The following FAM174B variants were observed in gnomAD, a reference collection of about 807,000 sequenced individuals.
The protein encoded by FAM174B is membrane protein FAM174B.
FAM174B carries 12 observed loss-of-function variants against 10.9 expected under a neutral mutation model. The ratio of observed to expected loss-of-function variants is 1.10; its 90% CI spans 0.71 to 1.79. The LOEUF is 1.79. Ranked by LOEUF, FAM174B falls within the 40% of genes most tolerant of loss-of-function variation. The probability of loss-of-function intolerance (pLI) is 0.00; values close to 1 mark genes in which losing one functional copy is unlikely to be tolerated. For synonymous variants in FAM174B, 132 were observed against 115.8 expected (o/e 1.14, Z -0.90); for missense variants, 266 against 233.3 (o/e 1.14, Z -0.91).
chr15:92,638,425 A>G (rs571537227), intron 1 of FAM174B, among the ~76,000 whole-genome samples: 14 of 152,214 alleles, frequency 9.2e-5, no homozygotes, highest in Non-Finnish European at 1.6e-4. Flanking sequence ...TTATACAAAC[A>G]AGGAGGCCGA....
chr15:92,638,399 T>C (rs2050869267), intron 1 of FAM174B, among the ~76,000 whole-genome samples: 2 of 152,162 alleles, frequency 1.3e-5, no homozygotes, highest in African/African-American at 4.8e-5. Flanking sequence ...TTCGTGTGAG[T>C]GCTCATACGT....
intron 2 of FAM174B, among the ~76,000 whole-genome samples, chr15:92,626,275 T>C (rs1411481359): frequency 6.6e-6 from 1 of 152,030 alleles, no homozygotes; most frequent in Non-Finnish European, 1.5e-5. Context: ...ATTTTTTGTA[T>C]TTTCAGTAGA....
Position 92,655,578 on chromosome 15 carries a change from TG to T in FAM174B, c.81del (p.Ser27ArgfsTer52). The stretch of plus-strand genomic sequence containing the variant: ...CACGGCGCGGAGACGGACTCGGCTC[TG>T]CTGGCGCGGGCGGCGGGAGCGGCCA... ...ALLAAPAARA[S>X]RAESVSAPWP... On this transcript the variant is annotated frameshift_variant, in exon 1 of 3. Coordinates refer to ENST00000327355, the MANE Select transcript of FAM174B (RefSeq NM_207446.3). LOFTEE classifies it high-confidence loss of function. 1 of 1,321,264 alleles carries T rather than the reference TG, an allele frequency of 7.6e-7. No individual in the cohort carries two copies. Among genetic ancestry groups the T allele is most frequent in the Non-Finnish European group, 9.6e-7 (1 of 1,037,372 alleles). 81.8% of individuals were successfully genotyped at this position (1,321,264 alleles called of 1,614,324 possible). A position where few individuals can be genotyped will look rare whatever the true frequency, so the allele number is the denominator to read the frequency against.
chr15:92,635,931 C>T (rs923185755), intron 1 of FAM174B, among the ~76,000 whole-genome samples: 7 of 152,150 alleles, frequency 4.6e-5, no homozygotes, highest in African/African-American at 1.7e-4. Flanking sequence ...ATGCACCAGT[C>T]AGAAGCCGGG....
At chr15:92,655,240 C>A (rs539420103) in intron 1 of FAM174B, 76 bp downstream of exon 1, 26 of 1,438,296 alleles carry the variant, frequency 1.8e-5, no homozygotes, top group Non-Finnish European at 2.3e-5. Flanking sequence ...GCAGGTGGGG[C>A]GGGCGCGCGG....
In FAM174B at chr15:92,629,833, T is replaced by C. The variant is rs191733880; in HGVS notation, c.476+381A>G. On this transcript the variant is annotated intron_variant, in intron 2 of 2. Coordinates refer to ENST00000327355, the MANE Select transcript of FAM174B (RefSeq NM_207446.3). ...GGGCCTTCCCGTGCTGCTCTCGTCCTGACAGTGAATAAGTCTCACAAGACC... is the reference window on the plus strand; with the variant it reads ...GGGCCTTCCCGTGCTGCTCTCGTCCCGACAGTGAATAAGTCTCACAAGACC... 4.6e-5 allele frequency among the ~76,000 whole-genome samples: 7 copies of C among 152,266 alleles called. No homozygotes were observed. The South Asian group carries it at 1.5e-3, about 32-fold the overall frequency.
At chr15:92,635,254 C>T (rs971335424) in intron 1 of FAM174B, among the ~76,000 whole-genome samples, 2 of 151,970 alleles carry the variant, frequency 1.3e-5, no homozygotes, top group Non-Finnish European at 2.9e-5. Context: ...TAGCAAGAGT[C>T]CTCATGTATG....
At chr15:92,637,836 T>C (rs1265305477) in intron 1 of FAM174B, among the ~76,000 whole-genome samples, 1 of 152,224 alleles carries the variant, frequency 6.6e-6, no homozygotes, top group Non-Finnish European at 1.5e-5. Context: ...TGGGCCAGCC[T>C]TGGGGACAGG....
At chr15:92,622,079 G>A (rs778487669) in intron 2 of FAM174B, among the ~76,000 whole-genome samples, 46 of 152,156 alleles carry the variant, frequency 3.0e-4, no homozygotes, top group African/African-American at 7.2e-4. Context: ...GAAAGCAGCC[G>A]GCAGAATCAA....
At position 92,623,780 on chromosome 15, in the gene FAM174B, C is replaced by A. The variant is rs141718780; in HGVS notation, c.477-4321G>T. 1.2e-3 allele frequency among the ~76,000 whole-genome samples: 187 copies of A among 152,312 alleles called. 1 individual carries two copies. The highest frequency in any genetic ancestry group is 2.2e-3 in the Non-Finnish European group (149 of 68,026). On this transcript the variant is annotated intron_variant, in intron 2 of 2. Transcript: ENST00000327355. Reference sequence around the variant, plus strand: ...GGCCTGTCTGTGAGTATGTCTGAGACAGAGAAACGTGTGGACACCACCACC... The same window carrying A: ...GGCCTGTCTGTGAGTATGTCTGAGAAAGAGAAACGTGTGGACACCACCACC...
chr15:92,631,906 G>A lies in FAM174B; in HGVS notation c.345-1561C>T, dbSNP rs938770092. Among the ~76,000 whole-genome samples the A allele has an allele frequency of 5.3e-5, 8 of 152,274 alleles. No individual in the cohort carries two copies. In the East Asian group the frequency reaches 1.4e-3, roughly 26 times the overall value. ...TCACAGCCTGACGCTTGAGGGCGCC[G>A]CCCTATAGGCCAGCCACGGGAGAGT... On this transcript the variant is annotated intron_variant, in intron 1 of 2. Transcript: ENST00000327355.
rs959661946 is a variant in FAM174B at position 92,642,073 on chromosome 15, A to G, written c.345-11728T>C. Among the ~76,000 whole-genome samples the G allele has an allele frequency of 2.6e-5, 4 of 152,266 alleles. No homozygotes were observed. The South Asian group carries it at 6.2e-4, about 24-fold the overall frequency. Reference sequence around the variant, plus strand: ...ATACACGAAGGCAAACAAGGTCAACATGACTAGCCATCAATGCATTGCAAA... The same window carrying G: ...ATACACGAAGGCAAACAAGGTCAACGTGACTAGCCATCAATGCATTGCAAA... On this transcript the variant is annotated intron_variant, in intron 1 of 2. Transcript: ENST00000327355.
At chr15:92,652,266 G>C (rs954863276) in intron 1 of FAM174B, among the ~76,000 whole-genome samples, 4 of 152,214 alleles carry the variant, frequency 2.6e-5, no homozygotes, top group African/African-American at 9.7e-5. Flanking sequence ...TGCTTTGGAA[G>C]CACAGAGGGG....
In FAM174B at chr15:92,618,742, G is replaced by A. The variant is rs1393079908; in HGVS notation, c.*714C>T. ...ATCACACACGTGCACACGCACACAC[G>A]TGCACACACACACACACACACACGC... On this transcript the variant is annotated 3_prime_UTR_variant, in exon 3 of 3. Transcript: ENST00000327355. 4 of 114,016 alleles carry A rather than the reference G, an allele frequency of 3.5e-5. No individual in the cohort carries two copies. The highest frequency in any genetic ancestry group is 4.1e-5 in the African/African-American group (1 of 24,384). 7.1% of individuals were successfully genotyped at this position (114,016 alleles called of 1,614,324 possible). A position where few individuals can be genotyped will look rare whatever the true frequency, so the allele number is the denominator to read the frequency against.
chr15:92,635,768 A>G (rs1026088698), intron 1 of FAM174B, among the ~76,000 whole-genome samples: 5 of 151,832 alleles, frequency 3.3e-5, no homozygotes, highest in African/African-American at 1.2e-4. Context: ...TTTAGTAGAG[A>G]TGGGTTTTCG....
intron 1 of FAM174B, among the ~76,000 whole-genome samples, chr15:92,649,253 T>C (rs2050948721): frequency 6.6e-6 from 1 of 152,236 alleles, no homozygotes; most frequent in South Asian, 2.1e-4. Flanking sequence ...TCCAATTTGA[T>C]AGAAGGAATC....
At position 92,617,677 on chromosome 15, in the gene FAM174B, G is replaced by A. The variant is rs1334803740; in HGVS notation, c.*1779C>T. ...AGCAGTTCCAGTTCAAAGGTTGAGG[G>A]GGCGAACAGCTGCGAGGTGGCCAGG... is the stretch of plus-strand genomic sequence containing the variant. On this transcript the variant is annotated 3_prime_UTR_variant, in exon 3 of 3. Coordinates refer to ENST00000327355, the MANE Select transcript of FAM174B (RefSeq NM_207446.3). 1.0e-5 allele frequency: 7 copies of A among 681,704 alleles called. No homozygotes were observed. The highest frequency in any genetic ancestry group is 1.9e-5 in the Non-Finnish European group (7 of 377,516). 42.2% of individuals were successfully genotyped at this position (681,704 alleles called of 1,614,324 possible).
intron 2 of FAM174B, among the ~76,000 whole-genome samples, chr15:92,628,032 G>GT (rs2050765202): frequency 6.6e-6 from 1 of 152,086 alleles, no homozygotes; most frequent in East Asian, 1.9e-4. Context: ...GTATTTGCGT[G>GT]TATCCTATGC....
chr15:92,617,752 A>G lies in FAM174B; in HGVS notation c.*1704T>C. On this transcript the variant is annotated 3_prime_UTR_variant, in exon 3 of 3. Transcript: ENST00000327355. ...TGAGTACACCGTGGAGAGGAGAGAT[A>G]AAGCAGCCACGGCTGTTCTGTTGCC... 1.7e-6 allele frequency: 1 copy of G among 599,604 alleles called. No individual in the cohort carries two copies. Among genetic ancestry groups the G allele is most frequent in the East Asian group, 3.2e-5 (1 of 31,128 alleles). 37.1% of individuals were successfully genotyped at this position (599,604 alleles called of 1,614,324 possible).
Sources: allele counts gnomAD v4.1 joint callset (sites outside exome capture counted in the v4.1 genomes callset), GRCh38; gene constraint gnomAD v4.1.1; transcripts MANE v1.5; gene names NCBI Gene and HGNC (gene_info 2026-07-23, HGNC 2026-07-21).